KCNB2: variants seen among roughly 807,000 people sequenced by gnomAD.
KCNB2 encodes the protein potassium voltage-gated channel subfamily B member 2, also known as delayed rectifier potassium channel protein.
A neutral mutation model predicts 61.5 loss-of-function variants in KCNB2; 15 were observed. That is an observed-to-expected ratio of 0.24 (90% CI 0.16 to 0.38). The LOEUF is 0.38. KCNB2 is among the 10% of genes least tolerant of loss of function. The pLI, the probability that KCNB2 is intolerant of heterozygous loss-of-function variation, is 1.00. For synonymous variants in KCNB2, 457 were observed against 446.0 expected (o/e 1.02, Z -0.31); for missense variants, 828 against 1,125.2 (o/e 0.74, Z 3.78).
At chr8:72,649,494 C>T (rs893802392) in intron 2 of KCNB2, among the ~76,000 whole-genome samples, 41 of 152,230 alleles carry the variant, frequency 2.7e-4, no homozygotes, top group Admixed American at 7.9e-4. Flanking sequence ...GTGCTATGCT[C>T]ACTTCCTGGG....
At chr8:72,574,371 T>TA (rs1265693079) in intron 2 of KCNB2, among the ~76,000 whole-genome samples, 1 of 152,210 alleles carries the variant, frequency 6.6e-6, no homozygotes, top group Non-Finnish European at 1.5e-5. Flanking sequence ...TAGGGTGCCA[T>TA]AGGTTATGGA....
chr8:72,595,544 T>C (rs536499592), intron 2 of KCNB2, among the ~76,000 whole-genome samples: 1 of 152,178 alleles, frequency 6.6e-6, no homozygotes, highest in African/African-American at 2.4e-5. Flanking sequence ...CAGGCTGGTC[T>C]CGAACTCCTG....
At chr8:72,782,810 G>C (rs1247800896) in intron 2 of KCNB2, among the ~76,000 whole-genome samples, 2 of 152,086 alleles carry the variant, frequency 1.3e-5, no homozygotes, top group Non-Finnish European at 2.9e-5. Context: ...CAGAGTTTTT[G>C]AGGACAGTAT....
At chr8:72,718,818 A>G (rs1807495014) in intron 2 of KCNB2, among the ~76,000 whole-genome samples, 1 of 152,122 alleles carries the variant, frequency 6.6e-6, no homozygotes, top group Non-Finnish European at 1.5e-5. Flanking sequence ...CATAATAATA[A>G]TAAAATAAAA....
intron 2 of KCNB2, among the ~76,000 whole-genome samples, chr8:72,718,108 A>G (rs1164511969): frequency 1.3e-5 from 2 of 152,140 alleles, no homozygotes; most frequent in Admixed American, 1.3e-4. Flanking sequence ...TCAAAACCAC[A>G]ATGAGATACT....
chr8:72,720,630 CT>C (rs1807533270), intron 2 of KCNB2, among the ~76,000 whole-genome samples: 1 of 152,192 alleles, frequency 6.6e-6, no homozygotes, highest in Non-Finnish European at 1.5e-5. Flanking sequence ...CTCTCCCCTA[CT>C]CAGTCATGGG....
In KCNB2 at chr8:72,832,904, TC is replaced by T. The variant is rs561553908; in HGVS notation, c.580-103029del. Reference sequence around the variant, plus strand: ...ACAGAGAGCGAGATACTCTCTGTCTTCCAAGGCTATTTGCTATATAAACATC... The same window carrying T: ...ACAGAGAGCGAGATACTCTCTGTCTTCAAGGCTATTTGCTATATAAACATC... On this transcript the variant is annotated intron_variant, in intron 2 of 2. Coordinates refer to ENST00000523207, the MANE Select transcript of KCNB2 (RefSeq NM_004770.3). Among the ~76,000 whole-genome samples, 287 of 152,264 alleles carry T rather than the reference TC, an allele frequency of 1.9e-3. 3 individuals are homozygous for T. The highest frequency in any genetic ancestry group is 6.7e-3 in the African/African-American group (279 of 41,552).
rs1446286432 is a variant in KCNB2, at chr8:72,568,157, T to C, written c.423T>C (p.Tyr141=). The part of the protein sequence containing the change: ...IYLESCCQAR[Y]HQKKEQMNEE... ...TGGAGTCCTGCTGCCAGGCCAGATA[T>C]CATCAAAAAAAAGAACAAATGAACG... is the stretch of plus-strand genomic sequence containing the variant. Residue 141 remains tyrosine (Y), a synonymous_variant, in exon 2 of 3, where the codon TAT becomes TAC. Transcript: ENST00000523207. 1.2e-6 allele frequency: 2 copies of C among 1,613,802 alleles called. No individual in the cohort carries two copies. Among genetic ancestry groups the C allele is most frequent in the Non-Finnish European group, 8.5e-7 (1 of 1,179,972 alleles).
intron 2 of KCNB2, among the ~76,000 whole-genome samples, chr8:72,634,038 T>C (rs1805928214): frequency 6.6e-6 from 1 of 152,210 alleles, no homozygotes; most frequent in Admixed American, 6.5e-5. Context: ...ACTCAAATTA[T>C]AGGTAAATTG....
chr8:72,846,952 G>A (rs1810006234), intron 2 of KCNB2, among the ~76,000 whole-genome samples: 3 of 152,134 alleles, frequency 2.0e-5, no homozygotes, highest in Admixed American at 1.3e-4. Flanking sequence ...TAAAACACAT[G>A]CACATGTATG....
intron 1 of KCNB2, among the ~76,000 whole-genome samples, chr8:72,561,723 A>ATATGTGTG (rs1806522823): frequency 6.3e-5 from 2 of 31,800 alleles, no homozygotes; most frequent in African/African-American, 5.7e-4. Context: ...ATATATATAT[A>ATATGTGTG]TATATCTATA....
intron 2 of KCNB2, among the ~76,000 whole-genome samples, chr8:72,768,914 A>C (rs1402008182): frequency 6.6e-6 from 1 of 152,102 alleles, no homozygotes; most frequent in Non-Finnish European, 1.5e-5. Context: ...TAATCCCAGC[A>C]CTTTGGGAGG....
rs751753071 is a variant in KCNB2 at position 72,936,829 on chromosome 8, T to C, written c.1474T>C (p.Trp492Arg). Residue 492 changes from tryptophan (W) to arginine (R), a missense_variant, in exon 3 of 3, where the codon TGG (tryptophan) becomes CGG (arginine). Trp to Arg is a moderately radical substitution (Grantham distance 101). This residue lies in a region of KCNB2 where 559 missense variants were observed against 588.4 expected (regional missense o/e 0.95). Coordinates refer to ENST00000523207, the MANE Select transcript of KCNB2 (RefSeq NM_004770.3). The surrounding 1 kb of genome is among the most constrained non-coding windows in gnomAD (Gnocchi z 5.6). ...CGATAATCACCTGTCGCCAAGCCGG[T>C]GGAAGTGGGCCAGGAAGGCTCTGTC... ...ADDNHLSPSR[W>R]KWARKALSET... 3 of 1,613,942 alleles carry C rather than the reference T, an allele frequency of 1.9e-6. No individual in the cohort carries two copies.
chr8:72,540,795 A>T (rs1806177926), intron 1 of KCNB2, among the ~76,000 whole-genome samples: 1 of 152,112 alleles, frequency 6.6e-6, no homozygotes, highest in Non-Finnish European at 1.5e-5. Flanking sequence ...CTCTTATATT[A>T]TCTTAAAAAG....
chr8:72,811,938 G>A (rs1809312762), intron 2 of KCNB2, among the ~76,000 whole-genome samples: 2 of 152,194 alleles, frequency 1.3e-5, no homozygotes, highest in Non-Finnish European at 2.9e-5. Flanking sequence ...AGCATGATCT[G>A]AAGGTAGAGC....
At chr8:72,748,657 T>G (rs1808127007) in intron 2 of KCNB2, among the ~76,000 whole-genome samples, 2 of 151,034 alleles carry the variant, frequency 1.3e-5, no homozygotes, top group Non-Finnish European at 3.0e-5. Flanking sequence ...TGGAGTTTTA[T>G]TATAATGGTT....
intron 2 of KCNB2, among the ~76,000 whole-genome samples, chr8:72,810,807 G>A (rs1809295024): frequency 6.6e-6 from 1 of 152,196 alleles, no homozygotes; most frequent in Non-Finnish European, 1.5e-5. Flanking sequence ...ATGTTTGGCA[G>A]AGGAAAAGCA....
chr8:72,755,994 C>A (rs1387641193), intron 2 of KCNB2, among the ~76,000 whole-genome samples: 1 of 152,174 alleles, frequency 6.6e-6, no homozygotes, highest in Non-Finnish European at 1.5e-5. Context: ...CTCAGCTGTA[C>A]ATATGATGCT....
At chr8:72,543,700 A>C (rs1007734316) in intron 1 of KCNB2, among the ~76,000 whole-genome samples, 1 of 152,182 alleles carries the variant, frequency 6.6e-6, no homozygotes, top group Non-Finnish European at 1.5e-5. Context: ...TTTTTTATTT[A>C]CATATATGTC....
Sources: allele counts gnomAD v4.1 joint callset (sites outside exome capture counted in the v4.1 genomes callset), GRCh38; gene constraint gnomAD v4.1.1; regional missense constraint gnomAD v4.1.1; non-coding constraint Gnocchi (gnomAD v3.1); transcripts MANE v1.5; gene names NCBI Gene and HGNC (gene_info 2026-07-23, HGNC 2026-07-21).